BBOF1: variants seen among roughly 807,000 people sequenced by gnomAD.
BBOF1 encodes basal body-orientation factor 1.
BBOF1 carries 62 observed loss-of-function variants against 68.0 expected under a neutral mutation model. That is an observed-to-expected ratio of 0.91 (90% CI 0.74 to 1.13). The LOEUF is 1.13. BBOF1 is among the 50% of genes most tolerant of loss of function. The probability of loss-of-function intolerance (pLI) is 0.00; values close to 1 mark genes in which losing one functional copy is unlikely to be tolerated. For synonymous variants in BBOF1, 208 were observed against 198.8 expected (o/e 1.05, Z -0.39); for missense variants, 534 against 600.1 (o/e 0.89, Z 1.15).
Position 74,022,942 on chromosome 14 carries a change from T to C in BBOF1, c.83T>C (p.Val28Ala). The change falls in exon 2 of 12, where the codon GTG (valine) becomes GCG (alanine). Residue 28 changes from valine to alanine, a missense_variant. By Grantham distance (64) the Val-to-Ala change is moderately conservative. Transcript: ENST00000394009. ...AAGTTAATAAAAACAGATGAATCTG[T>C]GGTGGACAGAGCCAAGGCCAATGCC... ...TKKLIKTDES[V>A]VDRAKANASL... 1 of 1,612,330 alleles carries C rather than the reference T, an allele frequency of 6.2e-7. No individual in the cohort carries two copies. The highest frequency in any genetic ancestry group is 1.3e-5 in the African/African-American group (1 of 75,012).
intron 11 of BBOF1, among the ~76,000 whole-genome samples, chr14:74,062,819 T>A (rs991945624): frequency 6.6e-6 from 1 of 151,510 alleles, no homozygotes; most frequent in Non-Finnish European, 1.5e-5. Context: ...AAAAAAAAAA[T>A]CAACCTATAA....
At chr14:74,057,057 G>C in intron 10 of BBOF1, 77 bp downstream of exon 10, 1 of 1,592,680 alleles carries the variant, frequency 6.3e-7, no homozygotes, top group South Asian at 1.1e-5. Flanking sequence ...TGTGCTAATT[G>C]AAAGTAATAT....
rs550932202 is a variant in BBOF1, at chr14:74,050,077, A to C, written c.1168A>C (p.Asn390His). The C allele has an allele frequency of 1.2e-6, 2 of 1,614,026 alleles. No homozygotes were observed. Among genetic ancestry groups the C allele is most frequent in the Admixed American group, 1.7e-5 (1 of 59,980 alleles). The change falls in exon 8 of 12, where the codon AAT becomes CAT. Residue 390 changes from asparagine (N) to histidine (H), a missense_variant. Coordinates refer to ENST00000394009, the MANE Select transcript of BBOF1 (RefSeq NM_025057.3). ...HYKQIAQAAFNLKMRAACTGR... is the reference protein window; with the variant it reads ...HYKQIAQAAFHLKMRAACTGR... ...TAAGCAGATAGCACAAGCTGCTTTC[A>C]ATTTAAAAATGAGAGCAGCATGTAC...
intron 9 of BBOF1, among the ~76,000 whole-genome samples, chr14:74,074,225 C>T (rs1377719198): frequency 6.6e-6 from 1 of 151,914 alleles, no homozygotes; most frequent in Admixed American, 6.6e-5. Context: ...AATCCACCTG[C>T]CTCAGCCTCC....
At chr14:74,059,485 C>A (rs4646866) in intron 11 of BBOF1, 2 of 432,540 alleles carry the variant, frequency 4.6e-6, no homozygotes, top group East Asian at 7.5e-5. Flanking sequence ...CACCTGAGGT[C>A]AGGAGTTCGA....
intron 11 of BBOF1, chr14:74,060,573 G>T: frequency 8.8e-7 from 1 of 1,139,202 alleles, no homozygotes; most frequent in Non-Finnish European, 1.3e-6. Flanking sequence ...GAGCAAAGCT[G>T]ACAAATGAAG....
At chr14:74,051,284 T>C (rs2060062928) in intron 8 of BBOF1, among the ~76,000 whole-genome samples, 1 of 151,258 alleles carries the variant, frequency 6.6e-6, no homozygotes, top group African/African-American at 2.5e-5. Flanking sequence ...CTGGGCGTGG[T>C]GGCGGGGGTC....
intron 9 of BBOF1, 187 bp from the exon 10 acceptor site, chr14:74,056,719 C>T: frequency 1.9e-6 from 1 of 539,904 alleles, no homozygotes. Flanking sequence ...ATACTTCATT[C>T]TCTATGATGT....
At chr14:74,025,339 A>G (rs1024325918) in intron 2 of BBOF1, among the ~76,000 whole-genome samples, 3 of 152,198 alleles carry the variant, frequency 2.0e-5, no homozygotes, top group Non-Finnish European at 2.9e-5. Context: ...GATTGCCATT[A>G]AACCAAAAGA....
chr14:74,045,204 C>T (rs1005812190), intron 5 of BBOF1, among the ~76,000 whole-genome samples: 1 of 152,160 alleles, frequency 6.6e-6, no homozygotes, highest in African/African-American at 2.4e-5. Flanking sequence ...AGATTTCACC[C>T]TAGAATATAA....
At chr14:74,036,980 T>C (rs1013703394) in intron 4 of BBOF1, among the ~76,000 whole-genome samples, 2 of 144,648 alleles carry the variant, frequency 1.4e-5, no homozygotes, top group African/African-American at 5.3e-5. Flanking sequence ...TTTCTTTTTT[T>C]TTTTTTTTTT....
At chr14:74,061,458 T>A (rs1219548994) in intron 11 of BBOF1, among the ~76,000 whole-genome samples, 4 of 152,130 alleles carry the variant, frequency 2.6e-5, no homozygotes, top group Non-Finnish European at 4.4e-5. Context: ...TGTGCCACCA[T>A]GCCCAGCTAT....
Position 74,022,912 on chromosome 14 carries a change from G to T in BBOF1, c.57-4G>T. 6.4e-7 allele frequency: 1 copy of T among 1,570,816 alleles called. No individual in the cohort carries two copies. The highest frequency in any genetic ancestry group is 1.4e-5 in the African/African-American group (1 of 73,890). On this transcript the variant is annotated splice_polypyrimidine_tract_variant and splice_region_variant and intron_variant, in intron 1 of 11. Coordinates refer to ENST00000394009, the MANE Select transcript of BBOF1 (RefSeq NM_025057.3). ...TATACTGTCAATATCCTCTTCCCAT[G>T]CAGGAAGTTAATAAAAACAGATGAA... is the stretch of plus-strand genomic sequence containing the variant.
chr14:74,041,574 A>G (rs2059825310), intron 5 of BBOF1, among the ~76,000 whole-genome samples: 1 of 152,092 alleles, frequency 6.6e-6, no homozygotes, highest in South Asian at 2.1e-4. Context: ...TATTTGAGAC[A>G]GGGTCTTGTC....
At chr14:74,067,429 C>G, downstream of BBOF1, 1 of 1,614,102 alleles carries the variant, frequency 6.2e-7, no homozygotes, top group Non-Finnish European at 8.5e-7. Context: ...CTGGCAGCCA[C>G]TTCTTGGCTT....
chr14:74,039,903 C>A (rs1010804002), intron 4 of BBOF1, among the ~76,000 whole-genome samples: 3 of 152,086 alleles, frequency 2.0e-5, no homozygotes, highest in Non-Finnish European at 4.4e-5. Context: ...TCTCCACATA[C>A]AATGGGATAG....
chr14:74,047,766 T>G (rs1050785547), intron 6 of BBOF1, among the ~76,000 whole-genome samples, 164 bp from the exon 7 acceptor site: 1 of 152,110 alleles, frequency 6.6e-6, no homozygotes, highest in African/African-American at 2.4e-5. Flanking sequence ...GGGTGAAAAC[T>G]TAATTACAAG....
chr14:74,057,629 T>G lies in BBOF1; in HGVS notation c.1578+371T>G, dbSNP rs749737332. ...TTACAACCTAGAGGACAAAGGCTTATAAGGAGATATGAAATGATTTTTTTA... is the reference window on the plus strand; with the variant it reads ...TTACAACCTAGAGGACAAAGGCTTAGAAGGAGATATGAAATGATTTTTTTA... On this transcript the variant is annotated intron_variant, in intron 11 of 11. Transcript: ENST00000394009. 2.0e-5 allele frequency: 27 copies of G among 1,334,556 alleles called. 2 individuals carry two copies. In the South Asian group the frequency reaches 3.3e-4, roughly 16 times the overall value. 82.7% of individuals were successfully genotyped at this position (1,334,556 alleles called of 1,614,324 possible). A position where few individuals can be genotyped will look rare whatever the true frequency, so the allele number is the denominator to read the frequency against.
At chr14:74,059,493 C>T (rs537666551) in intron 11 of BBOF1, 60 of 409,276 alleles carry the variant, frequency 1.5e-4, no homozygotes, top group East Asian at 8.0e-4. Context: ...GTCAGGAGTT[C>T]GAGACCAGCC....
Sources: allele counts gnomAD v4.1 joint callset (sites outside exome capture counted in the v4.1 genomes callset), GRCh38; gene constraint gnomAD v4.1.1; transcripts MANE v1.5; gene names NCBI Gene and HGNC (gene_info 2026-07-23, HGNC 2026-07-21).